MTR: variants seen among roughly 807,000 people sequenced by gnomAD.
The protein encoded by MTR is methionine synthase.
A neutral mutation model predicts 154.8 loss-of-function variants in MTR; 84 were observed. The observed-to-expected ratio is 0.54, with a 90% CI of 0.45 to 0.65. MTR has a LOEUF of 0.65. Ranked by LOEUF, MTR falls within the 30% of genes least tolerant of loss-of-function variation. The pLI is 0.00. For missense variants in MTR, 1,275 were observed against 1,570.2 expected (o/e 0.81, Z 3.18); for synonymous variants, 554 against 553.9 (o/e 1.00, Z 0.00).
At chr1:236,829,972 A>G (rs1662516173) in intron 12 of MTR, among the ~76,000 whole-genome samples, 2 of 152,228 alleles carry the variant, frequency 1.3e-5, no homozygotes, top group Non-Finnish European at 2.9e-5. Flanking sequence ...AACACATATG[A>G]GGAATTATGT....
chr1:236,897,310 G>GCACGCACACACACACACA (rs1373475510), intron 32 of MTR, among the ~76,000 whole-genome samples, 192 bp downstream of exon 32: 79 of 128,678 alleles, frequency 6.1e-4, no homozygotes, highest in African/African-American at 1.9e-3. Context: ...CCACACACAC[G>GCACGCACACACACACACA]CACACACACA....
At position 236,895,495 on chromosome 1, in the gene MTR, C is replaced by T. The variant is rs112277317; in HGVS notation, c.3543C>T (p.Pro1181=). The T allele has an allele frequency of 1.9e-5, 31 of 1,594,498 alleles. No homozygotes were observed. Among genetic ancestry groups the T allele is most frequent in the Non-Finnish European group, 2.5e-5 (29 of 1,170,090 alleles). ...IRPAPGYPSQ[P]DHTEKLTMWR... ...CGGCTCCTGGCTACCCCAGCCAGCC[C>T]GACCACACCGAGAAGCTCACCATGT... The change falls in exon 31 of 33, where the codon CCC becomes CCT. Residue 1181 remains proline (P), a synonymous_variant. Coordinates refer to ENST00000366577, the MANE Select transcript of MTR (RefSeq NM_000254.3).
chr1:236,844,437 C>T (rs191302770), intron 15 of MTR, among the ~76,000 whole-genome samples: 3 of 147,340 alleles, frequency 2.0e-5, no homozygotes, highest in African/African-American at 5.0e-5. Context: ...GGGGGAAATA[C>T]GAGGTTCAGA....
Position 236,897,979 on chromosome 1 carries a change from A to G in MTR, c.*335A>G, listed in dbSNP as rs554078480. ...CTGCTTTTTTCTGTTTTTACAGTGG[A>G]ATCTAGGAGGCCACTTAGTCGTCTT... On this transcript the variant is annotated 3_prime_UTR_variant, in exon 33 of 33. Coordinates refer to ENST00000366577, the MANE Select transcript of MTR (RefSeq NM_000254.3). 3.5e-5 allele frequency: 10 copies of G among 284,624 alleles called. No individual in the cohort carries two copies. Among genetic ancestry groups the G allele is most frequent in the African/African-American group, 2.3e-4 (10 of 44,252 alleles). 17.6% of individuals were successfully genotyped at this position (284,624 alleles called of 1,614,324 possible). A position where few individuals can be genotyped will look rare whatever the true frequency, so the allele number is the denominator to read the frequency against.
chr1:236,852,666 G>A, intron 17 of MTR, 29 bp downstream of exon 17: 1 of 1,595,098 alleles, frequency 6.3e-7, no homozygotes, highest in Non-Finnish European at 8.6e-7. Flanking sequence ...TAGCCCTGCG[G>A]AAACCAGTTT....
intron 27 of MTR, among the ~76,000 whole-genome samples, chr1:236,886,849 A>G (rs1352644915): frequency 5.9e-5 from 9 of 152,204 alleles, no homozygotes; most frequent in Non-Finnish European, 1.2e-4. Flanking sequence ...CAGATGTGAA[A>G]TGTCTAAAAT....
chr1:236,829,519 A>T (rs1382079818), intron 12 of MTR, among the ~76,000 whole-genome samples: 1 of 151,964 alleles, frequency 6.6e-6, no homozygotes, highest in Non-Finnish European at 1.5e-5. Flanking sequence ...CCTTGGTGGG[A>T]GCTCGATGGT....
chr1:236,847,806 C>T (rs1663669796), intron 15 of MTR, among the ~76,000 whole-genome samples: 1 of 152,154 alleles, frequency 6.6e-6, no homozygotes, highest in Non-Finnish European at 1.5e-5. Flanking sequence ...AATGTGCAAC[C>T]AGAGTTGAAA....
chr1:236,859,741 C>G (rs1313360371), intron 18 of MTR, 92 bp from the exon 19 acceptor site: 1 of 990,974 alleles, frequency 1.0e-6, no homozygotes, highest in African/African-American at 1.6e-5. Context: ...AAGAATAAGA[C>G]ACAGGTTTTT....
At chr1:236,879,215 C>T (rs1665596333) in intron 24 of MTR, among the ~76,000 whole-genome samples, 1 of 152,230 alleles carries the variant, frequency 6.6e-6, no homozygotes, top group Non-Finnish European at 1.5e-5. Context: ...TCTCTTCCAA[C>T]CTTCAGCCTC....
intron 15 of MTR, among the ~76,000 whole-genome samples, chr1:236,843,048 T>C (rs1276732474): frequency 6.9e-6 from 1 of 145,146 alleles, no homozygotes; most frequent in Non-Finnish European, 1.5e-5. Flanking sequence ...ATTGCACCAC[T>C]GCACTCCAGC....
At chr1:236,874,595 A>G (rs1665325162) in intron 23 of MTR, 131 bp from the exon 24 acceptor site, 2 of 717,576 alleles carry the variant, frequency 2.8e-6, no homozygotes, top group Non-Finnish European at 2.2e-6. Context: ...AGAATTAGGA[A>G]TTGGGAATTC....
At chr1:236,814,987 T>C (rs959133266) in intron 6 of MTR, among the ~76,000 whole-genome samples, 30 of 152,206 alleles carry the variant, frequency 2.0e-4, no homozygotes, top group African/African-American at 7.0e-4. Flanking sequence ...TCAAGAAATA[T>C]AATGATAAAA....
rs755483276 is a variant in MTR, at chr1:236,897,852, C to G, written c.*208C>G. On this transcript the variant is annotated 3_prime_UTR_variant, in exon 33 of 33. Transcript: ENST00000366577. Reference sequence around the variant, plus strand: ...AAAACAGGCGCTGTTTTTTTGGGACCTTGCGTGAAGAGCAGTGAGCAGGGT... The same window carrying G: ...AAAACAGGCGCTGTTTTTTTGGGACGTTGCGTGAAGAGCAGTGAGCAGGGT... 24 of 589,674 alleles carry G rather than the reference C, an allele frequency of 4.1e-5. No homozygotes were observed. Among genetic ancestry groups the G allele is most frequent in the Non-Finnish European group, 5.7e-5 (19 of 335,334 alleles). The allele number at this position is 589,674 out of a possible 1,614,324, so 36.5% of individuals were successfully genotyped here. A position where few individuals can be genotyped will look rare whatever the true frequency, so the allele number is the denominator to read the frequency against.
In MTR at chr1:236,848,250, A is replaced by C. The variant is rs1406594802; in HGVS notation, c.1516-2094A>C. On this transcript the variant is annotated intron_variant, in intron 15 of 32. Coordinates refer to ENST00000366577, the MANE Select transcript of MTR (RefSeq NM_000254.3). ...GGTATACAGCTGGGCCCTACACCCTACTCTCCTGTGGGTAACATACTGTTC... is the reference window on the plus strand; with the variant it reads ...GGTATACAGCTGGGCCCTACACCCTCCTCTCCTGTGGGTAACATACTGTTC... Among the ~76,000 whole-genome samples, 127 of 151,782 alleles carry C rather than the reference A, an allele frequency of 8.4e-4. 2 individuals are homozygous for C. Among genetic ancestry groups the C allele is most frequent in the Non-Finnish European group, 8.8e-5 (6 of 67,916 alleles).
At chr1:236,871,355 C>G (rs1330109320) in intron 22 of MTR, among the ~76,000 whole-genome samples, 1 of 152,196 alleles carries the variant, frequency 6.6e-6, no homozygotes, top group Non-Finnish European at 1.5e-5. Flanking sequence ...CGTTTCTGTT[C>G]CAGCCACAAC....
At chr1:236,815,964 G>A (rs887298770) in intron 7 of MTR, among the ~76,000 whole-genome samples, 2 of 152,160 alleles carry the variant, frequency 1.3e-5, no homozygotes, top group Non-Finnish European at 2.9e-5. Context: ...CCAAGGAGGG[G>A]TGGACTTGCA....
chr1:236,822,260 A>G (rs1662003087), intron 8 of MTR, among the ~76,000 whole-genome samples: 1 of 151,018 alleles, frequency 6.6e-6, no homozygotes. Flanking sequence ...TATAGATCCA[A>G]ATATTTCATT....
Position 236,897,693 on chromosome 1 carries a change from T to C in MTR, c.*49T>C, listed in dbSNP as rs758061541. 6.7e-7 allele frequency: 1 copy of C among 1,487,862 alleles called. No individual in the cohort carries two copies. Among genetic ancestry groups the C allele is most frequent in the East Asian group, 2.3e-5 (1 of 44,178 alleles). The allele number at this position is 1,487,862 out of a possible 1,614,324, so 92.2% of individuals were successfully genotyped here. On this transcript the variant is annotated 3_prime_UTR_variant, in exon 33 of 33. Coordinates refer to ENST00000366577, the MANE Select transcript of MTR (RefSeq NM_000254.3). ...TTATTCTTGATGATCCTCAAGGAAATACAACCTAGGGTGCCTTAAAAATAA... is the reference window on the plus strand; with the variant it reads ...TTATTCTTGATGATCCTCAAGGAAACACAACCTAGGGTGCCTTAAAAATAA...
Sources: gnomAD v4.1 joint callset for allele counts (sites outside exome capture counted in the v4.1 genomes callset) on GRCh38, gnomAD v4.1.1 for gene constraint, MANE v1.5 for transcripts, NCBI Gene and HGNC (gene_info 2026-07-23, HGNC 2026-07-21) for gene names.